ETNK1: variants seen among roughly 807,000 people sequenced by gnomAD.
ETNK1 encodes the protein putative protein product of Nbla10396.
ETNK1 carries 8 observed loss-of-function variants against 45.1 expected under a neutral mutation model. The ratio of observed to expected loss-of-function variants is 0.18; its 90% CI spans 0.10 to 0.32. The LOEUF is 0.32. Among genes scored for constraint, ETNK1 ranks in the 10% least tolerant of loss-of-function variants. ETNK1 has a pLI of 1.00. For missense variants in ETNK1, 302 were observed against 430.6 expected, an observed-to-expected ratio of 0.70 and a Z score of 2.64; for synonymous variants, 152 against 151.9, an observed-to-expected ratio of 1.00 and a Z score of -0.01.
intron 6 of ETNK1, among the ~76,000 whole-genome samples, chr12:22,676,156 C>T (rs1244294194): frequency 6.6e-6 from 1 of 152,136 alleles, no homozygotes; most frequent in Non-Finnish European, 1.5e-5. Flanking sequence ...CTGTCCCTTC[C>T]CTAGCCCCCT....
intron 1 of ETNK1, among the ~76,000 whole-genome samples, chr12:22,639,844 A>G (rs1440845230): frequency 6.6e-6 from 1 of 152,160 alleles, no homozygotes; most frequent in Non-Finnish European, 1.5e-5. Context: ...TCTTTCATCT[A>G]ATGGTTTTAT....
intron 2 of ETNK1, among the ~76,000 whole-genome samples, chr12:22,654,229 T>C: frequency 6.6e-6 from 1 of 152,246 alleles, no homozygotes; most frequent in East Asian, 1.9e-4. Context: ...GTTTATGGCA[T>C]TTTTGTTAAA....
chr12:22,641,745 A>G (rs1186422976), intron 1 of ETNK1, among the ~76,000 whole-genome samples: 1 of 152,206 alleles, frequency 6.6e-6, no homozygotes, highest in Non-Finnish European at 1.5e-5. Flanking sequence ...ACAAATAAAT[A>G]TTTATACATA....
chr12:22,665,666 A>G (rs1954046799), intron 4 of ETNK1, among the ~76,000 whole-genome samples: 1 of 152,182 alleles, frequency 6.6e-6, no homozygotes, highest in Admixed American at 6.5e-5. Flanking sequence ...GTGTTCAAAT[A>G]AAACTTTATT....
chr12:22,684,335 G>A, intron 6 of ETNK1, 148 bp from the exon 7 acceptor site: 1 of 593,110 alleles, frequency 1.7e-6, no homozygotes, highest in Non-Finnish European at 2.9e-6. Context: ...GACGTCAGTA[G>A]GATCTAGGTT....
intron 1 of ETNK1, among the ~76,000 whole-genome samples, chr12:22,643,401 G>GTA (rs1424848426): frequency 6.6e-6 from 1 of 151,904 alleles, no homozygotes; most frequent in Admixed American, 6.6e-5. Flanking sequence ...CCCTGTATGT[G>GTA]TACACACACA....
In ETNK1 at chr12:22,625,189, G is replaced by T. The variant is rs201961217; in HGVS notation, c.-242G>T. The T allele has an allele frequency of 1.4e-4, 228 of 1,607,906 alleles. No homozygotes were observed. In the African/African-American group the frequency reaches 1.9e-3, roughly 14 times the overall value. Reference sequence around the variant, plus strand: ...ATGCTCTGCGGCCGCCCGCGGTCCAGCTCCGACAACAGGAATTTTCTCCGA... The same window carrying T: ...ATGCTCTGCGGCCGCCCGCGGTCCATCTCCGACAACAGGAATTTTCTCCGA... On this transcript the variant is annotated 5_prime_UTR_variant, in exon 1 of 8. Coordinates refer to ENST00000266517, the MANE Select transcript of ETNK1 (RefSeq NM_018638.5).
intron 1 of ETNK1, among the ~76,000 whole-genome samples, chr12:22,630,558 C>G (rs1361114335): frequency 6.6e-6 from 1 of 152,172 alleles, no homozygotes; most frequent in Non-Finnish European, 1.5e-5. Context: ...GCTTACTCAT[C>G]ATTTAGGACA....
intron 2 of ETNK1, among the ~76,000 whole-genome samples, chr12:22,651,848 G>A (rs1048509413): frequency 1.3e-5 from 2 of 151,754 alleles, no homozygotes. Context: ...ACCTCGCCCT[G>A]CCGAGTTTTG....
chr12:22,660,183 A>G (rs1191041989), intron 3 of ETNK1, among the ~76,000 whole-genome samples: 2 of 152,126 alleles, frequency 1.3e-5, no homozygotes, highest in African/African-American at 4.8e-5. Context: ...CAGGCAAATT[A>G]AGTAATGTAA....
At chr12:22,633,873 A>G (rs148657006) in intron 1 of ETNK1, among the ~76,000 whole-genome samples, 2,161 of 152,166 alleles carry the variant, frequency 0.014, 32 homozygotes, top group Middle Eastern at 0.021. Context: ...AAAGGTTTTT[A>G]TGTAGATTAT....
intron 4 of ETNK1, among the ~76,000 whole-genome samples, chr12:22,666,483 C>A (rs376343429): frequency 3.9e-5 from 6 of 152,142 alleles, no homozygotes; most frequent in African/African-American, 1.4e-4. Flanking sequence ...CATTTAACTA[C>A]TGACATCAAG....
In ETNK1 at chr12:22,656,702, G is replaced by A. The variant is rs368203864; in HGVS notation, c.417-2312G>A. 115 of 985,096 alleles carry A rather than the reference G, an allele frequency of 1.2e-4. No homozygotes were observed. In the African/African-American group the frequency reaches 1.7e-3, roughly 15 times the overall value. 61.0% of individuals were successfully genotyped at this position (985,096 alleles called of 1,614,324 possible). On this transcript the variant is annotated intron_variant, in intron 2 of 7. Transcript: ENST00000266517. ...TCCCCTTTGCAAAGGGGAAAATTAC[G>A]TTTTGTAAGAGACCCCAAATCAGGG...
intron 1 of ETNK1, among the ~76,000 whole-genome samples, chr12:22,626,956 A>G (rs1380583237): frequency 6.6e-6 from 1 of 152,044 alleles, no homozygotes; most frequent in South Asian, 2.1e-4. Context: ...TATTAAGATG[A>G]TTTGTTTTCT....
At chr12:22,651,913 A>C (rs1351946810) in intron 2 of ETNK1, among the ~76,000 whole-genome samples, 1 of 151,870 alleles carries the variant, frequency 6.6e-6, no homozygotes, top group Non-Finnish European at 1.5e-5. Flanking sequence ...CTCGAACTCC[A>C]GACCTCAGGT....
At chr12:22,674,017 C>CT (rs1333233145) in intron 6 of ETNK1, among the ~76,000 whole-genome samples, 1 of 152,156 alleles carries the variant, frequency 6.6e-6, no homozygotes, top group Non-Finnish European at 1.5e-5. Flanking sequence ...AGGAGAGGAG[C>CT]TTTTCCACAA....
At chr12:22,648,151 A>G (rs901482178) in intron 2 of ETNK1, among the ~76,000 whole-genome samples, 2 of 151,780 alleles carry the variant, frequency 1.3e-5, no homozygotes, top group African/African-American at 4.8e-5. Context: ...TCCACAGACA[A>G]CCTCCCCCAT....
chr12:22,652,850 G>GT (rs748162964), intron 2 of ETNK1, among the ~76,000 whole-genome samples: 137 of 152,236 alleles, frequency 9.0e-4, no homozygotes, highest in Non-Finnish European at 1.7e-3. Flanking sequence ...ATGCGGTAGA[G>GT]TTTATTTTTA....
At chr12:22,630,679 C>G (rs934086196) in intron 1 of ETNK1, among the ~76,000 whole-genome samples, 1 of 152,006 alleles carries the variant, frequency 6.6e-6, no homozygotes, top group Admixed American at 6.6e-5. Context: ...GGTGTGATCT[C>G]AGCTCACTGC....
Sources: allele counts gnomAD v4.1 joint callset (sites outside exome capture counted in the v4.1 genomes callset), GRCh38; gene constraint gnomAD v4.1.1; transcripts MANE v1.5; gene names NCBI Gene and HGNC (gene_info 2026-07-23, HGNC 2026-07-21).